Variants in RPL18A observed in about 807,000 individuals in gnomAD.
The protein encoded by RPL18A is ribosomal protein L18a.
For synonymous variants in RPL18A, 122 were observed against 96.9 expected, an observed-to-expected ratio of 1.26 and a Z score of -1.52; for missense variants, 163 against 254.1, an observed-to-expected ratio of 0.64 and a Z score of 2.44.
rs371048111 is a variant in RPL18A, at chr19:17,863,210, C to T, written c.478C>T (p.Arg160Cys). 47 of 1,611,462 alleles carry T rather than the reference C, an allele frequency of 2.9e-5. No homozygotes were observed. Among genetic ancestry groups the T allele is most frequent in the Non-Finnish European group, 3.7e-5 (44 of 1,179,354 alleles). The stretch of plus-strand genomic sequence containing the variant: ...GTTCCCGCTGCCCCACCGGGTCCTG[C>T]GCCGTCAGCACAAGCCACGCTTCAC... ...IKFPLPHRVL[R>C]RQHKPRFTTK... Residue 160 changes from arginine (R) to cysteine (C), a missense_variant, in exon 5 of 5, where the codon CGC (arginine) becomes TGC (cysteine). By Grantham distance (180) the Arg-to-Cys change is radical (BLOSUM62 -3). Coordinates refer to ENST00000222247, the MANE Select transcript of RPL18A (RefSeq NM_000980.4).
At chr19:17,862,516 G>C (rs1160782877) in intron 3 of RPL18A, 1 of 700,820 alleles carries the variant, frequency 1.4e-6, no homozygotes, top group Non-Finnish European at 2.6e-6. Context: ...TTGAACCCCT[G>C]CCTAGTGTTG....
At chr19:17,861,881 G>T in intron 2 of RPL18A, 1 of 599,286 alleles carries the variant, frequency 1.7e-6, no homozygotes, top group Non-Finnish European at 2.9e-6. Flanking sequence ...CAGAAGCCTG[G>T]ACTTCAGGCT....
chr19:17,863,197 C>T lies in RPL18A; in HGVS notation c.465C>T (p.Pro155=). 1 of 1,612,348 alleles carries T rather than the reference C, an allele frequency of 6.2e-7. No individual in the cohort carries two copies. Among genetic ancestry groups the T allele is most frequent in the South Asian group, 1.1e-5 (1 of 91,002 alleles). ...ACTCCAAGATCAAGTTCCCGCTGCCCCACCGGGTCCTGCGCCGTCAGCACA... is the reference window on the plus strand; with the variant it reads ...ACTCCAAGATCAAGTTCCCGCTGCCTCACCGGGTCCTGCGCCGTCAGCACA... ...FHDSKIKFPL[P]HRVLRRQHKP... Residue 155 remains proline, a synonymous_variant, in exon 5 of 5, where the codon CCC becomes CCT. Transcript: ENST00000222247.
chr19:17,860,815 G>A (rs1237342986), intron 1 of RPL18A: 1 of 165,832 alleles, frequency 6.0e-6, no homozygotes, highest in Non-Finnish European at 1.3e-5. Context: ...CAACAGTGCA[G>A]GGATCCCAGG....
chr19:17,861,396 A>C lies in RPL18A; in HGVS notation c.122A>C (p.Lys41Thr). ...TTTGCGCCTAATCATGTCGTCGCCA[A>C]GTCCCGCTTCTGGTACTTTGTATCT... ...RIFAPNHVVA[K>T]SRFWYFVSQL... The change falls in exon 2 of 5, where the codon AAG (lysine) becomes ACG (threonine). Residue 41 changes from lysine to threonine, a missense_variant. Coordinates refer to ENST00000222247, the MANE Select transcript of RPL18A (RefSeq NM_000980.4). 4.3e-6 allele frequency: 7 copies of C among 1,611,692 alleles called. No homozygotes were observed. The highest frequency in any genetic ancestry group is 5.9e-6 in the Non-Finnish European group (7 of 1,178,698).
intron 1 of RPL18A, chr19:17,860,184 T>A (rs2094274587): frequency 1.9e-6 from 1 of 524,148 alleles, no homozygotes; most frequent in Non-Finnish European, 3.3e-6. Context: ...AGCTCAGGGA[T>A]CGCGGGGGCC....
rs777141452 is a variant in RPL18A at position 17,859,922 on chromosome 19, C to A, written c.-35C>A. On this transcript the variant is annotated 5_prime_UTR_variant, in exon 1 of 5. Transcript: ENST00000222247. The stretch of plus-strand genomic sequence containing the variant: ...ACGGCTGCGCGACAGAGGACACTTC[C>A]TTTTGCGGGTGGCGGCGAACGCGGA... 6 of 1,543,592 alleles carry A rather than the reference C, an allele frequency of 3.9e-6. No individual in the cohort carries two copies. Among genetic ancestry groups the A allele is most frequent in the East Asian group, 2.5e-5 (1 of 39,518 alleles).
rs201166881 is a variant in RPL18A, at chr19:17,862,238, C to G, written c.328+15C>G. The G allele has an allele frequency of 2.5e-5, 40 of 1,612,080 alleles. No homozygotes were observed. The highest frequency in any genetic ancestry group is 9.3e-5 in the African/African-American group (7 of 74,932). ...CACCCAGTGCTGTAAGCTGCCTGTC[C>G]CGCCTCCAGCTTTTTAGACCCTCCT... is the stretch of plus-strand genomic sequence containing the variant. On this transcript the variant is annotated intron_variant, in intron 3 of 4. Transcript: ENST00000222247.
chr19:17,861,397 G>A lies in RPL18A; in HGVS notation c.123G>A (p.Lys41=). 1.2e-6 allele frequency: 2 copies of A among 1,611,572 alleles called. No individual in the cohort carries two copies. The highest frequency in any genetic ancestry group is 1.7e-6 in the Non-Finnish European group (2 of 1,178,642). Residue 41 remains lysine, a synonymous_variant, in exon 2 of 5, where the codon AAG becomes AAA. Transcript: ENST00000222247. ...TTGCGCCTAATCATGTCGTCGCCAA[G>A]TCCCGCTTCTGGTACTTTGTATCTC... ...RIFAPNHVVA[K]SRFWYFVSQL...
chr19:17,862,027 A>G lies in RPL18A; in HGVS notation c.199-67A>G, dbSNP rs187133722. The G allele has an allele frequency of 3.8e-5, 60 of 1,571,908 alleles. No homozygotes were observed. The African/African-American group carries it at 7.5e-4, about 20-fold the overall frequency. On this transcript the variant is annotated intron_variant, in intron 2 of 4. Coordinates refer to ENST00000222247, the MANE Select transcript of RPL18A (RefSeq NM_000980.4). ...GGTGTGCTTTAGAGGCAGAGGGTTC[A>G]GTGAGGATGGGGCTAGGGCACATCG... is the stretch of plus-strand genomic sequence containing the variant.
chr19:17,861,255 T>C, intron 1 of RPL18A, 38 bp from the exon 2 acceptor site: 1 of 1,599,886 alleles, frequency 6.3e-7, no homozygotes, highest in Non-Finnish European at 8.6e-7. Context: ...CAGTTGCCTC[T>C]GGGTGCTGGC....
intron 3 of RPL18A, chr19:17,862,675 G>A: frequency 1.3e-6 from 1 of 752,948 alleles, no homozygotes; most frequent in Non-Finnish European, 2.4e-6. Context: ...CGCCTTTGGG[G>A]GGCTGTGGCC....
intron 1 of RPL18A, chr19:17,860,999 G>A: frequency 2.3e-6 from 1 of 427,462 alleles, no homozygotes; most frequent in South Asian, 3.4e-5. Flanking sequence ...GAAGAAAGGA[G>A]GCTGTGGGTC....
chr19:17,860,126 G>A (rs995632407), intron 1 of RPL18A, 152 bp downstream of exon 1: 15 of 659,490 alleles, frequency 2.3e-5, no homozygotes, highest in Non-Finnish European at 3.3e-5. Context: ...ACCCAACATG[G>A]CGGCCATCGT....
intron 1 of RPL18A, chr19:17,860,302 C>G (rs1309423752): frequency 1.2e-5 from 5 of 402,520 alleles, no homozygotes; most frequent in African/African-American, 2.1e-5. Flanking sequence ...CTTTCTGCAA[C>G]GTGGACGTGG....
chr19:17,859,942 C>G lies in RPL18A; in HGVS notation c.-15C>G. The G allele has an allele frequency of 1.3e-6, 2 of 1,542,902 alleles. No homozygotes were observed. The highest frequency in any genetic ancestry group is 1.7e-6 in the Non-Finnish European group (2 of 1,145,268). On this transcript the variant is annotated 5_prime_UTR_variant, in exon 1 of 5. Transcript: ENST00000222247. The stretch of plus-strand genomic sequence containing the variant: ...ACTTCCTTTTGCGGGTGGCGGCGAA[C>G]GCGGAGAGCACGCCATGAAGGCCTC...
At chr19:17,860,061 T>C in intron 1 of RPL18A, 87 bp downstream of exon 1, 2 of 1,251,754 alleles carry the variant, frequency 1.6e-6, no homozygotes, top group South Asian at 3.2e-5. Context: ...GCCGGGTTGG[T>C]GCCGCGCGCT....
At chr19:17,863,082 C>T in intron 4 of RPL18A, 55 bp downstream of exon 4, 1 of 1,554,982 alleles carries the variant, frequency 6.4e-7, no homozygotes, top group Non-Finnish European at 8.9e-7. Context: ...ACGCAGGAGC[C>T]CAGTGGGGGG....
chr19:17,860,013 G>A (rs1245289165), intron 1 of RPL18A, 39 bp downstream of exon 1: 2 of 1,491,712 alleles, frequency 1.3e-6, no homozygotes, highest in African/African-American at 1.5e-5. Flanking sequence ...CAAGGGATGG[G>A]GCACGGGCCC....
Sources: allele counts gnomAD v4.1 joint callset, GRCh38; gene constraint gnomAD v4.1.1; transcripts MANE v1.5; gene names NCBI Gene and HGNC (gene_info 2026-07-23, HGNC 2026-07-21).